Variants in PDE11A observed in about 807,000 individuals in gnomAD.
PDE11A encodes the protein phosphodiesterase 11A.
In PDE11A, 100 loss-of-function variants were observed where a neutral mutation model predicts 100.5. The ratio of observed to expected loss-of-function variants is 1.00; its 90% CI spans 0.85 to 1.18. PDE11A has a LOEUF of 1.18. Among genes scored for constraint, PDE11A ranks in the 50% most tolerant of loss-of-function variants. The pLI, the probability that PDE11A is intolerant of heterozygous loss-of-function variation, is 0.00. For missense variants in PDE11A, 1,141 were observed against 1,152.6 expected (o/e 0.99, Z 0.15); for synonymous variants, 381 against 420.8 (o/e 0.91, Z 1.16).
chr2:177,983,636 C>T (rs566148265), intron 2 of PDE11A, among the ~76,000 whole-genome samples: 1 of 151,812 alleles, frequency 6.6e-6, no homozygotes, highest in South Asian at 2.1e-4. Context: ...AACAAACAAA[C>T]ATAAATGCAT....
intron 16 of PDE11A, among the ~76,000 whole-genome samples, chr2:177,679,649 G>T (rs1289473228): frequency 2.0e-5 from 3 of 152,136 alleles, no homozygotes; most frequent in Non-Finnish European, 4.4e-5. Context: ...AAGAAATTAG[G>T]AAGTGTGGGA....
At chr2:177,727,881 T>A in intron 11 of PDE11A, 116 bp from the exon 12 acceptor site, 2 of 971,600 alleles carry the variant, frequency 2.1e-6, no homozygotes, top group Non-Finnish European at 3.3e-6. Flanking sequence ...TCCACAAACA[T>A]CTCTTCTGGT....
intron 1 of PDE11A, among the ~76,000 whole-genome samples, chr2:178,044,262 A>AAAAT (rs1559052522): frequency 6.9e-6 from 1 of 145,018 alleles, no homozygotes; most frequent in Non-Finnish European, 1.5e-5. Context: ...TTTTCCAGTA[A>AAAAT]TAGGCCATTT....
intron 1 of PDE11A, among the ~76,000 whole-genome samples, chr2:178,057,333 C>T (rs2086911673): frequency 6.6e-6 from 1 of 152,138 alleles, no homozygotes; most frequent in Non-Finnish European, 1.5e-5. Flanking sequence ...TAGAGAAGTA[C>T]AGACTAGAAA....
Position 177,638,274 on chromosome 2 carries a change from T to TA in PDE11A, c.2647-8713dup, listed in dbSNP as rs1247768299. 3.9e-5 allele frequency among the ~76,000 whole-genome samples: 6 copies of TA among 152,170 alleles called. No individual in the cohort carries two copies. The East Asian group carries it at 1.2e-3, about 29-fold the overall frequency. On this transcript the variant is annotated intron_variant, in intron 19 of 19. Transcript: ENST00000286063. ...TCGCCCTCCCAAAGTGCTGGGATTA[T>TA]AGGCGTGAGCCACCGCGCCCAGCCT...
intron 6 of PDE11A, 102 bp downstream of exon 6, chr2:177,840,149 G>T (rs1240137572): frequency 4.2e-6 from 5 of 1,188,674 alleles, no homozygotes; most frequent in Non-Finnish European, 6.2e-6. Context: ...ACAGGGGAAG[G>T]ATGCAAAAGA....
At chr2:178,073,385 G>T (rs2087164573), upstream of PDE11A, among the ~76,000 whole-genome samples, 1 of 152,092 alleles carries the variant, frequency 6.6e-6, no homozygotes, top group Admixed American at 6.5e-5. Context: ...CATGTACCTG[G>T]GGCAGAGACA....
intron 2 of PDE11A, chr2:177,997,733 A>C (rs11677176): frequency 0.23 from 338,062 of 1,491,956 alleles, 39,238 homozygotes; most frequent in Middle Eastern, 0.27. Context: ...AAACTGTACA[A>C]CAAACATTCC....
chr2:177,951,262 G>A lies in PDE11A; in HGVS notation c.1072-46075C>T, dbSNP rs192405069. Among the ~76,000 whole-genome samples the A allele has an allele frequency of 1.2e-4, 18 of 152,226 alleles. No homozygotes were observed. The East Asian group carries it at 3.5e-3, about 29-fold the overall frequency. ...TAACTGAACTACTAATTTCAACTTGGGCAATTTTAGTTGCCTGGCTAAGTA... is the reference window on the plus strand; with the variant it reads ...TAACTGAACTACTAATTTCAACTTGAGCAATTTTAGTTGCCTGGCTAAGTA... On this transcript the variant is annotated intron_variant, in intron 2 of 19. Transcript: ENST00000286063.
chr2:177,647,261 C>A (rs1292800150), intron 19 of PDE11A, among the ~76,000 whole-genome samples: 1 of 152,208 alleles, frequency 6.6e-6, no homozygotes, highest in Non-Finnish European at 1.5e-5. Context: ...TGTTGAGCTG[C>A]AAACATTCAT....
intron 10 of PDE11A, among the ~76,000 whole-genome samples, chr2:177,730,786 T>G (rs1010685161): frequency 6.6e-6 from 1 of 152,210 alleles, no homozygotes; most frequent in African/African-American, 2.4e-5. Context: ...CTTCACTCTC[T>G]GTACTTTGTT....
At chr2:178,030,654 T>C (rs915550269) in intron 1 of PDE11A, among the ~76,000 whole-genome samples, 1 of 152,008 alleles carries the variant, frequency 6.6e-6, no homozygotes, top group African/African-American at 2.4e-5. Context: ...CACAGAAAGA[T>C]TGCTTGAGCC....
At position 178,028,916 on chromosome 2, in the gene PDE11A, A is replaced by G. The variant is rs1189736757; in HGVS notation, c.913-14456T>C. Among the ~76,000 whole-genome samples the G allele has an allele frequency of 2.6e-5, 4 of 152,208 alleles. No individual in the cohort carries two copies. In the East Asian group the frequency reaches 5.8e-4, roughly 22 times the overall value. On this transcript the variant is annotated intron_variant, in intron 1 of 19. Coordinates refer to ENST00000286063, the MANE Select transcript of PDE11A (RefSeq NM_016953.4). The stretch of plus-strand genomic sequence containing the variant: ...TAGAATTCTTCACTTTAGGATCTGC[A>G]TAGTACGGAACAACAGAAGCAGTAG...
At chr2:177,887,678 T>C (rs189819557) in intron 4 of PDE11A, among the ~76,000 whole-genome samples, 6 of 152,204 alleles carry the variant, frequency 3.9e-5, no homozygotes, top group African/African-American at 1.4e-4. Flanking sequence ...CACTTGAGCC[T>C]GGGACGTCAA....
At chr2:177,770,016 A>G (rs2082291323) in intron 9 of PDE11A, among the ~76,000 whole-genome samples, 1 of 152,172 alleles carries the variant, frequency 6.6e-6, no homozygotes. Context: ...GATCTGTAGC[A>G]AACACTGTAG....
At chr2:177,693,787 T>A (rs918925751) in intron 15 of PDE11A, among the ~76,000 whole-genome samples, 2 of 152,226 alleles carry the variant, frequency 1.3e-5, no homozygotes, top group African/African-American at 2.4e-5. Flanking sequence ...TTATGTGACC[T>A]AAGCTACGCT....
chr2:178,053,316 C>T (rs2086852865), intron 1 of PDE11A, among the ~76,000 whole-genome samples: 1 of 152,212 alleles, frequency 6.6e-6, no homozygotes, highest in South Asian at 2.1e-4. Context: ...TTCAACAGCC[C>T]TTCGTGCTAA....
chr2:177,851,396 G>A (rs1227391844), intron 5 of PDE11A, among the ~76,000 whole-genome samples: 1 of 151,970 alleles, frequency 6.6e-6, no homozygotes, highest in Middle Eastern at 3.2e-3. Context: ...GGGGTGGGGG[G>A]ATCGGGGAGG....
intron 2 of PDE11A, among the ~76,000 whole-genome samples, chr2:177,906,226 G>C (rs2084786069): frequency 6.6e-6 from 1 of 151,996 alleles, no homozygotes; most frequent in African/African-American, 2.4e-5. Flanking sequence ...CTAGGAAGAG[G>C]TAACAAGCGC....
Sources: gnomAD v4.1 joint callset for allele counts (sites outside exome capture counted in the v4.1 genomes callset) on GRCh38, gnomAD v4.1.1 for gene constraint, MANE v1.5 for transcripts, NCBI Gene and HGNC (gene_info 2026-07-23, HGNC 2026-07-21) for gene names.